Variants in ADAM22 observed in about 807,000 individuals in gnomAD.
ADAM22 encodes the protein disintegrin and metalloproteinase domain-containing protein 22.
Under a neutral mutation model 144.6 loss-of-function variants are expected in ADAM22, and 65 were observed. The ratio of observed to expected loss-of-function variants is 0.45; its 90% confidence interval spans 0.37 to 0.55. ADAM22 has a LOEUF of 0.55. Ranked by LOEUF, ADAM22 falls within the 20% of genes least tolerant of loss-of-function variation. The pLI is 0.00. For synonymous variants in ADAM22, 391 were observed against 412.6 expected, an observed-to-expected ratio of 0.95 and a Z score of 0.63; for missense variants, 974 against 1,184.9, an observed-to-expected ratio of 0.82 and a Z score of 2.61.
intron 8 of ADAM22, 37 bp downstream of exon 8, chr7:88,125,696 A>AT: frequency 6.9e-7 from 1 of 1,456,982 alleles, no homozygotes; most frequent in Non-Finnish European, 9.3e-7. Flanking sequence ...TTATTTTAAA[A>AT]CAATTGTCAA....
intron 31 of ADAM22, among the ~76,000 whole-genome samples, chr7:88,195,408 G>A (rs561146163): frequency 1.3e-5 from 2 of 152,316 alleles, no homozygotes; most frequent in South Asian, 4.1e-4. Context: ...CATGGCAAAA[G>A]CAAGGAGAGG....
At position 87,934,536 on chromosome 7, in the gene ADAM22, G is replaced by A. The variant is rs747812997; in HGVS notation, c.71G>A (p.Arg24His). ...LCVLGTCPPA[R>H]CGQAGDASLM... is the part of the protein sequence containing the mutation. Reference sequence around the variant, plus strand: ...GTCCTGGGGACCTGCCCTCCGGCGCGCTGCGGCCAGGCAGGTAAGTTAGCC... The same window carrying A: ...GTCCTGGGGACCTGCCCTCCGGCGCACTGCGGCCAGGCAGGTAAGTTAGCC... The change falls in exon 1 of 32, where the codon CGC becomes CAC. Residue 24 changes from arginine (R) to histidine (H), a missense_variant. By Grantham distance (29) the Arg-to-His change is conservative. This residue lies in a region of ADAM22 where 240 missense variants were observed against 234.3 expected (regional missense o/e 1.02). Coordinates refer to ENST00000413139, the MANE Select transcript of ADAM22 (RefSeq NM_001324418.2). 3.7e-6 allele frequency: 6 copies of A among 1,608,012 alleles called. No homozygotes were observed. The East Asian group carries it at 1.3e-4, about 36-fold the overall frequency.
At chr7:88,124,199 A>G (rs752545185) in intron 7 of ADAM22, among the ~76,000 whole-genome samples, 1 of 151,688 alleles carries the variant, frequency 6.6e-6, no homozygotes, top group African/African-American at 2.4e-5. Context: ...TCAATTACTG[A>G]GGGAGGATTG....
At chr7:87,997,860 A>T (rs915237631) in intron 3 of ADAM22, among the ~76,000 whole-genome samples, 2 of 152,228 alleles carry the variant, frequency 1.3e-5, no homozygotes, top group African/African-American at 4.8e-5. Context: ...AAGAGAGTTT[A>T]TTAAGGAGTA....
At chr7:88,160,352 CTAT>C (rs1355139899) in intron 22 of ADAM22, among the ~76,000 whole-genome samples, 2 of 152,096 alleles carry the variant, frequency 1.3e-5, no homozygotes, top group Non-Finnish European at 2.9e-5. Context: ...AGATTAAATG[CTAT>C]TGCTATCAAA....
intron 3 of ADAM22, among the ~76,000 whole-genome samples, chr7:88,062,143 C>A (rs1405753779): frequency 1.3e-5 from 2 of 152,046 alleles, no homozygotes; most frequent in Non-Finnish European, 2.9e-5. Context: ...GACCTGAGCC[C>A]TTCTTTTGAA....
chr7:88,064,296 G>A (rs1228452140), intron 3 of ADAM22, among the ~76,000 whole-genome samples: 1 of 152,180 alleles, frequency 6.6e-6, no homozygotes, highest in Non-Finnish European at 1.5e-5. Context: ...TTGAGGTTGG[G>A]TTTAGTGGTC....
intron 3 of ADAM22, among the ~76,000 whole-genome samples, chr7:88,007,830 T>C (rs186327877): frequency 1.0e-3 from 154 of 152,330 alleles, no homozygotes; most frequent in African/African-American, 3.5e-3. Flanking sequence ...ATTCTGGACA[T>C]AGGCATGGGC....
intron 2 of ADAM22, among the ~76,000 whole-genome samples, chr7:87,972,922 C>T (rs1850829549): frequency 6.6e-6 from 1 of 152,142 alleles, no homozygotes; most frequent in South Asian, 2.1e-4. Context: ...CCCTTCCTTA[C>T]ACCTTATACA....
intron 5 of ADAM22, among the ~76,000 whole-genome samples, chr7:88,114,269 CT>C (rs933073949): frequency 2.0e-5 from 3 of 152,170 alleles, no homozygotes; most frequent in African/African-American, 7.2e-5. Context: ...TGCGTTTTTA[CT>C]AGCTCTCCAG....
At chr7:88,057,917 G>C (rs1201707754) in intron 3 of ADAM22, among the ~76,000 whole-genome samples, 1 of 152,102 alleles carries the variant, frequency 6.6e-6, no homozygotes, top group East Asian at 1.9e-4. Context: ...AAATTTCCCT[G>C]GCTCAGGTTT....
chr7:88,139,018 T>C (rs2129513666), intron 14 of ADAM22, among the ~76,000 whole-genome samples: 1 of 152,292 alleles, frequency 6.6e-6, no homozygotes, highest in South Asian at 2.1e-4. Flanking sequence ...GGCCTCTTTG[T>C]AGGAGGCTTA....
intron 3 of ADAM22, among the ~76,000 whole-genome samples, chr7:88,072,116 A>T (rs573562742): frequency 2.0e-4 from 30 of 152,360 alleles, no homozygotes; most frequent in Admixed American, 1.4e-3. Context: ...TTAAAATAAC[A>T]ATACTTTGCA....
intron 3 of ADAM22, among the ~76,000 whole-genome samples, chr7:88,041,602 C>T (rs1207265180): frequency 6.6e-6 from 1 of 151,866 alleles, no homozygotes; most frequent in African/African-American, 2.4e-5. Flanking sequence ...ATTAATTTTG[C>T]AAATATCATG....
In ADAM22 at chr7:88,145,520, T is replaced by G. The variant is rs745903237; in HGVS notation, c.1485+13T>G. Reference sequence around the variant, plus strand: ...TAAAAAGTGCAAGGTAAATAAACATTAATGACCATTTGACAGAAAAAAAGG... The same window carrying G: ...TAAAAAGTGCAAGGTAAATAAACATGAATGACCATTTGACAGAAAAAAAGG... On this transcript the variant is annotated intron_variant, in intron 17 of 31. Coordinates refer to ENST00000413139, the MANE Select transcript of ADAM22 (RefSeq NM_001324418.2). 8.1e-6 allele frequency: 13 copies of G among 1,599,798 alleles called. No homozygotes were observed. The Admixed American group carries it at 2.2e-4, about 27-fold the overall frequency.
intron 4 of ADAM22, among the ~76,000 whole-genome samples, chr7:88,092,060 C>T (rs1264127333): frequency 2.0e-5 from 3 of 152,024 alleles, no homozygotes; most frequent in African/African-American, 7.2e-5. Flanking sequence ...GGAGCACCAT[C>T]GCTTCAAATC....
chr7:88,116,408 G>T (rs1327230496), intron 6 of ADAM22, among the ~76,000 whole-genome samples: 3 of 152,158 alleles, frequency 2.0e-5, no homozygotes, highest in African/African-American at 7.2e-5. Context: ...TTAAAAGGGT[G>T]CAGGGATCCG....
intron 8 of ADAM22, among the ~76,000 whole-genome samples, chr7:88,128,275 C>T (rs149855290): frequency 2.9e-4 from 44 of 152,102 alleles, no homozygotes; most frequent in African/African-American, 9.4e-4. Context: ...AGGACATATT[C>T]ACATTTAGTT....
intron 2 of ADAM22, among the ~76,000 whole-genome samples, chr7:87,952,454 G>T (rs1451591757): frequency 6.6e-6 from 1 of 152,060 alleles, no homozygotes; most frequent in Non-Finnish European, 1.5e-5. Flanking sequence ...TTATTGATTT[G>T]CATATATTGA....
Sources: gnomAD v4.1 joint callset for allele counts (sites outside exome capture counted in the v4.1 genomes callset) on GRCh38, gnomAD v4.1.1 for gene constraint, gnomAD v4.1.1 regional missense constraint, MANE v1.5 for transcripts, NCBI Gene and HGNC (gene_info 2026-07-23, HGNC 2026-07-21) for gene names.